Variants in ST6GALNAC3 observed in about 807,000 individuals in gnomAD.
The protein encoded by ST6GALNAC3 is alpha-N-acetylgalactosaminide alpha-2,6-sialyltransferase 3.
Under a neutral mutation model 32.7 loss-of-function variants are expected in ST6GALNAC3, and 25 were observed. That is an observed-to-expected ratio of 0.76 (90% CI 0.56 to 1.07). The LOEUF is 1.07. ST6GALNAC3 is among the 50% of genes least tolerant of loss of function. ST6GALNAC3 has a pLI of 0.00. For synonymous variants in ST6GALNAC3, 129 were observed against 133.1 expected (o/e 0.97, Z 0.21); for missense variants, 355 against 382.4 (o/e 0.93, Z 0.60).
chr1:76,269,745 A>G (rs1202351663), intron 1 of ST6GALNAC3, among the ~76,000 whole-genome samples: 2 of 152,218 alleles, frequency 1.3e-5, no homozygotes, highest in Non-Finnish European at 2.9e-5. Flanking sequence ...AGACTGGAAA[A>G]AAGAAAACTG....
intron 3 of ST6GALNAC3, among the ~76,000 whole-genome samples, chr1:76,500,534 G>A (rs1483740734): frequency 6.6e-6 from 1 of 152,112 alleles, no homozygotes; most frequent in African/African-American, 2.4e-5. Context: ...ACAATTTTAA[G>A]CTTGAAGCTT....
In ST6GALNAC3 at chr1:76,188,479, T is replaced by C. The variant is rs560858731; in HGVS notation, c.18+113595T>C. 6.6e-5 allele frequency among the ~76,000 whole-genome samples: 10 copies of C among 152,276 alleles called. No homozygotes were observed. In the South Asian group the frequency reaches 2.1e-3, roughly 32 times the overall value. On this transcript the variant is annotated intron_variant, in intron 1 of 4. Transcript: ENST00000328299. Reference sequence around the variant, plus strand: ...TGGACTGGTGATGTTTCTAAGGGATTGTTGTATATGCGAAATTGATCTTCC... The same window carrying C: ...TGGACTGGTGATGTTTCTAAGGGATCGTTGTATATGCGAAATTGATCTTCC...
At chr1:76,099,711 G>C (rs1647186505) in intron 1 of ST6GALNAC3, among the ~76,000 whole-genome samples, 1 of 152,172 alleles carries the variant, frequency 6.6e-6, no homozygotes, top group Admixed American at 6.5e-5. Flanking sequence ...ACAGGGGCAT[G>C]TGGGTATCAA....
intron 3 of ST6GALNAC3, among the ~76,000 whole-genome samples, chr1:76,467,690 T>C (rs982480795): frequency 3.3e-5 from 5 of 152,030 alleles, no homozygotes; most frequent in African/African-American, 4.8e-5. Context: ...ATTAATTCTC[T>C]ATTCCTGTCC....
intron 1 of ST6GALNAC3, among the ~76,000 whole-genome samples, chr1:76,189,510 T>C (rs1257054012): frequency 6.6e-6 from 1 of 152,184 alleles, no homozygotes; most frequent in African/African-American, 2.4e-5. Flanking sequence ...CACGTCATTG[T>C]GCTTAGTGAA....
intron 3 of ST6GALNAC3, among the ~76,000 whole-genome samples, chr1:76,601,794 G>C (rs1423730802): frequency 6.6e-6 from 1 of 152,170 alleles, no homozygotes; most frequent in African/African-American, 2.4e-5. Context: ...GTAAGGAATG[G>C]GAAAGGAGAT....
At chr1:76,405,281 G>T (rs772003266) in intron 2 of ST6GALNAC3, among the ~76,000 whole-genome samples, 3 of 152,010 alleles carry the variant, frequency 2.0e-5, no homozygotes, top group Non-Finnish European at 4.4e-5. Context: ...TTCGTACATG[G>T]CTGTTCCTTT....
At chr1:76,110,505 TCTGGCTTGCCACTAAC>T (rs1484403572) in intron 1 of ST6GALNAC3, among the ~76,000 whole-genome samples, 1 of 152,252 alleles carries the variant, frequency 6.6e-6, no homozygotes, top group Admixed American at 6.5e-5. Context: ...CCTGCAAAGT[TCTGGCTTGCCACTAAC>T]CTGCACTGTG....
intron 2 of ST6GALNAC3, among the ~76,000 whole-genome samples, chr1:76,397,097 G>A (rs989876252): frequency 3.3e-5 from 5 of 152,110 alleles, no homozygotes; most frequent in South Asian, 2.1e-4. Flanking sequence ...TTATTCAAAC[G>A]AGAAAGGGAT....
intron 2 of ST6GALNAC3, among the ~76,000 whole-genome samples, chr1:76,411,765 C>A (rs1654253386): frequency 6.6e-6 from 1 of 151,938 alleles, no homozygotes; most frequent in African/African-American, 2.4e-5. Flanking sequence ...TAATTTTAAA[C>A]CAGGGCGTGG....
intron 3 of ST6GALNAC3, among the ~76,000 whole-genome samples, chr1:76,605,107 G>T (rs1043503472): frequency 6.6e-6 from 1 of 152,116 alleles, no homozygotes; most frequent in Non-Finnish European, 1.5e-5. Context: ...CTCTATACAG[G>T]TGATAGACAG....
chr1:76,561,593 AT>A (rs1665247208), intron 3 of ST6GALNAC3, among the ~76,000 whole-genome samples: 1 of 152,196 alleles, frequency 6.6e-6, no homozygotes, highest in Non-Finnish European at 1.5e-5. Context: ...CACCGGCTTG[AT>A]GGCTACTGTC....
intron 1 of ST6GALNAC3, among the ~76,000 whole-genome samples, chr1:76,156,548 T>G (rs968151550): frequency 6.6e-6 from 1 of 152,150 alleles, no homozygotes; most frequent in African/African-American, 2.4e-5. Context: ...TTGTTTGGTT[T>G]TTTTTTTGCC....
intron 1 of ST6GALNAC3, among the ~76,000 whole-genome samples, chr1:76,303,311 C>T (rs1187874403): frequency 2.6e-5 from 4 of 151,996 alleles, no homozygotes; most frequent in Non-Finnish European, 5.9e-5. Flanking sequence ...CATTTTCAAT[C>T]TGCCACCTAG....
chr1:76,270,290 T>C (rs1658763320), intron 1 of ST6GALNAC3, among the ~76,000 whole-genome samples: 1 of 152,070 alleles, frequency 6.6e-6, no homozygotes, highest in African/African-American at 2.4e-5. Context: ...GTGGATCCCC[T>C]GAGGTCAGGA....
chr1:76,191,905 A>C lies in ST6GALNAC3; in HGVS notation c.18+117021A>C, dbSNP rs184282177. On this transcript the variant is annotated intron_variant, in intron 1 of 4. Coordinates refer to ENST00000328299, the MANE Select transcript of ST6GALNAC3 (RefSeq NM_152996.4). Reference sequence around the variant, plus strand: ...GGTGACTTATTTTTACCGATGATGGAGGTGGAGTCACTTTTTGAGCATAAA... The same window carrying C: ...GGTGACTTATTTTTACCGATGATGGCGGTGGAGTCACTTTTTGAGCATAAA... 1.1e-3 allele frequency among the ~76,000 whole-genome samples: 175 copies of C among 152,184 alleles called. 1 individual carries two copies. Among genetic ancestry groups the C allele is most frequent in the African/African-American group, 3.8e-3 (156 of 41,534 alleles).
intron 2 of ST6GALNAC3, among the ~76,000 whole-genome samples, chr1:76,383,106 C>A (rs10747346): frequency 2.0e-5 from 3 of 151,984 alleles, no homozygotes; most frequent in African/African-American, 7.3e-5. Flanking sequence ...ATCCAGAAGT[C>A]GATGAAGTGG....
At chr1:76,231,489 C>G (rs1656360563) in intron 1 of ST6GALNAC3, among the ~76,000 whole-genome samples, 1 of 152,168 alleles carries the variant, frequency 6.6e-6, no homozygotes, top group Non-Finnish European at 1.5e-5. Flanking sequence ...TAAACAACAA[C>G]TTCTGTTTCT....
chr1:76,449,294 G>T (rs1165702243), intron 3 of ST6GALNAC3, among the ~76,000 whole-genome samples: 2 of 152,060 alleles, frequency 1.3e-5, no homozygotes, highest in African/African-American at 4.8e-5. Context: ...TCTATTTTCT[G>T]AATATGACAG....
Sources: allele counts gnomAD v4.1 joint callset (sites outside exome capture counted in the v4.1 genomes callset), GRCh38; gene constraint gnomAD v4.1.1; transcripts MANE v1.5; gene names NCBI Gene and HGNC (gene_info 2026-07-23, HGNC 2026-07-21).